The following ZNRF2 variants were observed in gnomAD, a reference collection of about 807,000 sequenced individuals.
The protein encoded by ZNRF2 is E3 ubiquitin-protein ligase ZNRF2.
ZNRF2 carries 16 observed loss-of-function variants against 20.4 expected under a neutral mutation model. The observed-to-expected ratio is 0.79, with a 90% CI of 0.53 to 1.19. The LOEUF is 1.19. Among genes scored for constraint, ZNRF2 ranks in the 50% most tolerant of loss-of-function variants. The probability of loss-of-function intolerance (pLI) is 0.00; values close to 1 mark genes in which losing one functional copy is unlikely to be tolerated. For synonymous variants in ZNRF2, 178 were observed against 144.9 expected (o/e 1.23, Z -1.64); for missense variants, 363 against 332.4 (o/e 1.09, Z -0.72).
At chr7:30,314,941 T>C (rs1799346455) in intron 1 of ZNRF2, among the ~76,000 whole-genome samples, 1 of 151,956 alleles carries the variant, frequency 6.6e-6, no homozygotes, top group Non-Finnish European at 1.5e-5. Context: ...CTCAGCCTCC[T>C]GAGTAGCTGG....
intron 2 of ZNRF2, among the ~76,000 whole-genome samples, chr7:30,343,234 G>GAGC (rs1248365671): frequency 1.3e-5 from 2 of 152,056 alleles, no homozygotes; most frequent in Non-Finnish European, 2.9e-5. Flanking sequence ...AGGATCACTT[G>GAGC]AGCCCAGGAA....
Position 30,294,953 on chromosome 7 carries a change from A to G in ZNRF2, c.469+9127A>G, listed in dbSNP as rs545987130. 2.1e-3 allele frequency among the ~76,000 whole-genome samples: 315 copies of G among 148,052 alleles called. 2 individuals are homozygous for G. Among genetic ancestry groups the G allele is most frequent in the African/African-American group, 7.4e-3 (296 of 40,202 alleles). On this transcript the variant is annotated intron_variant, in intron 1 of 4. Coordinates refer to ENST00000323037, the MANE Select transcript of ZNRF2 (RefSeq NM_147128.4). ...ATTGAAGGAACAAAGGCAGGACCCA[A>G]TGCCCCTGGAGCTGAAATTTAGAGA... is the stretch of plus-strand genomic sequence containing the variant.
In ZNRF2 at chr7:30,299,316, G is replaced by T. The variant is rs571538860; in HGVS notation, c.469+13490G>T. ...TGCCTGTAATCCCAGCGACTCGGGA[G>T]GCTGAGGCAGGAGAATTGCTTGAAC... On this transcript the variant is annotated intron_variant, in intron 1 of 4. Transcript: ENST00000323037. Among the ~76,000 whole-genome samples the T allele has an allele frequency of 4.5e-4, 68 of 152,152 alleles. 2 individuals carry two copies. In the South Asian group the frequency reaches 0.012, roughly 27 times the overall value.
chr7:30,289,237 A>G (rs1051407688), intron 1 of ZNRF2, among the ~76,000 whole-genome samples: 8 of 152,218 alleles, frequency 5.3e-5, no homozygotes, highest in African/African-American at 1.9e-4. Flanking sequence ...CTTGTGAAAC[A>G]TGTTTTCTTA....
chr7:30,312,395 G>A (rs1799305105), intron 1 of ZNRF2, among the ~76,000 whole-genome samples: 1 of 152,198 alleles, frequency 6.6e-6, no homozygotes, highest in Non-Finnish European at 1.5e-5. Context: ...ATATGTATGT[G>A]TGTGTGGAAA....
rs926262264 is a variant in ZNRF2, at chr7:30,285,251, C to T, written c.-107C>T. The T allele has an allele frequency of 1.2e-6, 1 of 854,530 alleles. No homozygotes were observed. The highest frequency in any genetic ancestry group is 1.8e-5 in the African/African-American group (1 of 54,174). The allele number at this position is 854,530 out of a possible 1,614,324, so 52.9% of individuals were successfully genotyped here. A position where few individuals can be genotyped will look rare whatever the true frequency, so the allele number is the denominator to read the frequency against. On this transcript the variant is annotated 5_prime_UTR_variant, in exon 1 of 5. Transcript: ENST00000323037. ...CGGCCCTGGACGTGCGGGGGCCTCTCTGGGCCGGCCGCGGCGCCTGGGCCC... is the reference window on the plus strand; with the variant it reads ...CGGCCCTGGACGTGCGGGGGCCTCTTTGGGCCGGCCGCGGCGCCTGGGCCC...
intron 4 of ZNRF2, 124 bp downstream of exon 4, chr7:30,362,580 A>G (rs1039630497): frequency 4.8e-5 from 23 of 482,544 alleles, no homozygotes; most frequent in Middle Eastern, 5.6e-4. Flanking sequence ...TCAGACACTT[A>G]GGCTACTGCA....
At chr7:30,304,551 GAATAGGTGGAGGA>G (rs1799170672) in intron 1 of ZNRF2, among the ~76,000 whole-genome samples, 1 of 152,164 alleles carries the variant, frequency 6.6e-6, no homozygotes, top group South Asian at 2.1e-4. Context: ...GATGTTGAGG[GAATAGGTGGAGGA>G]AAGTATATTT....
At chr7:30,300,306 G>T (rs887573085) in intron 1 of ZNRF2, among the ~76,000 whole-genome samples, 4 of 151,478 alleles carry the variant, frequency 2.6e-5, no homozygotes, top group Non-Finnish European at 5.9e-5. Flanking sequence ...ACGCCACCAC[G>T]CCTGGCTAAT....
intron 1 of ZNRF2, among the ~76,000 whole-genome samples, chr7:30,310,933 G>A (rs1379578608): frequency 6.6e-6 from 1 of 152,150 alleles, no homozygotes; most frequent in Admixed American, 6.6e-5. Context: ...GAGGTCCCAA[G>A]TTTGGGGTTG....
intron 1 of ZNRF2, among the ~76,000 whole-genome samples, chr7:30,303,975 C>G (rs1474783889): frequency 6.6e-6 from 1 of 152,058 alleles, no homozygotes; most frequent in East Asian, 1.9e-4. Flanking sequence ...TTTTTCTGTC[C>G]CTTCCCCACC....
chr7:30,329,730 A>T (rs549610001), intron 2 of ZNRF2, among the ~76,000 whole-genome samples: 2 of 152,200 alleles, frequency 1.3e-5, no homozygotes, highest in Admixed American at 6.5e-5. Context: ...GGTTGAATCC[A>T]TATCTTGGTT....
chr7:30,323,561 T>C, intron 1 of ZNRF2, 81 bp from the exon 2 acceptor site: 1 of 961,928 alleles, frequency 1.0e-6, no homozygotes, highest in Non-Finnish European at 1.5e-6. Context: ...TTTCAAACGC[T>C]TTTTGATTTT....
chr7:30,309,319 A>T (rs1799255591), intron 1 of ZNRF2, among the ~76,000 whole-genome samples: 1 of 152,148 alleles, frequency 6.6e-6, no homozygotes, highest in African/African-American at 2.4e-5. Context: ...AGATTTCTTA[A>T]AGGGATTATT....
At chr7:30,343,748 G>T (rs1799834037) in intron 2 of ZNRF2, among the ~76,000 whole-genome samples, 1 of 151,150 alleles carries the variant, frequency 6.6e-6, no homozygotes, top group African/African-American at 2.4e-5. Context: ...TGTATACACA[G>T]TACAGGGTTA....
intron 2 of ZNRF2, among the ~76,000 whole-genome samples, chr7:30,350,861 C>T (rs1177448373): frequency 6.6e-6 from 1 of 151,934 alleles, no homozygotes; most frequent in African/African-American, 2.4e-5. Flanking sequence ...TCCATAATAG[C>T]GCTTGGCGTT....
intron 2 of ZNRF2, among the ~76,000 whole-genome samples, chr7:30,325,557 G>A (rs1799538885): frequency 6.6e-6 from 1 of 152,168 alleles, no homozygotes; most frequent in African/African-American, 2.4e-5. Flanking sequence ...AAAATGTTGG[G>A]AGGGGTAGAA....
chr7:30,306,379 A>G (rs935230062), intron 1 of ZNRF2, among the ~76,000 whole-genome samples: 3 of 152,180 alleles, frequency 2.0e-5, no homozygotes, highest in Non-Finnish European at 4.4e-5. Context: ...GTGGGTATGA[A>G]AGCTAGAAGT....
At chr7:30,339,860 G>A (rs1799769314) in intron 2 of ZNRF2, among the ~76,000 whole-genome samples, 1 of 152,168 alleles carries the variant, frequency 6.6e-6, no homozygotes, top group Admixed American at 6.5e-5. Context: ...TGGGTAGTAT[G>A]ACCATTTTCA....
Sources: allele counts gnomAD v4.1 joint callset (sites outside exome capture counted in the v4.1 genomes callset), GRCh38; gene constraint gnomAD v4.1.1; transcripts MANE v1.5; gene names NCBI Gene and HGNC (gene_info 2026-07-23, HGNC 2026-07-21).